The following C16orf96 variants were observed in gnomAD, a reference collection of about 807,000 sequenced individuals.
C16orf96 encodes the protein chromosome 16 open reading frame 96.
In C16orf96, 108 loss-of-function variants were observed where a neutral mutation model predicts 103.6. The ratio of observed to expected loss-of-function variants is 1.04; its 90% CI spans 0.89 to 1.22. The LOEUF is 1.22. Ranked by LOEUF, C16orf96 falls within the 50% of genes most tolerant of loss-of-function variation. C16orf96 has a pLI of 0.00. For missense variants in C16orf96, 1,586 were observed against 1,464.2 expected, an observed-to-expected ratio of 1.08 and a Z score of -1.36; for synonymous variants, 566 against 593.5, an observed-to-expected ratio of 0.95 and a Z score of 0.67.
At chr16:4,562,867 A>T in intron 1 of C16orf96, 2 of 1,389,058 alleles carry the variant, frequency 1.4e-6, no homozygotes, top group Non-Finnish European at 2.0e-6. Flanking sequence ...AGCTGGCTCC[A>T]TTGTTCTGGA....
the C16orf96 span, among the ~76,000 whole-genome samples, chr16:4,542,532 C>T: frequency 6.6e-6 from 1 of 152,216 alleles, no homozygotes; most frequent in Admixed American, 6.5e-5. Flanking sequence ...CGCAGTGGCT[C>T]ATGCCTGTAA....
At chr16:4,566,306 G>A (rs1359890297) in intron 1 of C16orf96, among the ~76,000 whole-genome samples, 1 of 152,192 alleles carries the variant, frequency 6.6e-6, no homozygotes, top group Non-Finnish European at 1.5e-5. Context: ...AGCAGTGTAT[G>A]AGAATTACGA....
chr16:4,575,732 C>T lies in C16orf96; in HGVS notation c.1252C>T (p.Pro418Ser), dbSNP rs1334811058. 1 of 1,538,776 alleles carries T rather than the reference C, an allele frequency of 6.5e-7. No homozygotes were observed. Among genetic ancestry groups the T allele is most frequent in the Non-Finnish European group, 8.8e-7 (1 of 1,141,208 alleles). Residue 418 changes from proline (P) to serine (S), a missense_variant, in exon 5 of 16, where the codon CCC becomes TCC. Coordinates refer to ENST00000444310, the MANE Select transcript of C16orf96 (RefSeq NM_001145011.2). ...WDLGVLRPTQ[P>S]QPSRAPPPAT... is the part of the protein sequence containing the mutation. ...CTTAGGTGTCCTGCGGCCAACTCAG[C>T]CCCAACCCTCCAGGGCCCCACCACC... is the stretch of plus-strand genomic sequence containing the variant.
chr16:4,549,183 CAG>C, the C16orf96 span, among the ~76,000 whole-genome samples: 1 of 151,982 alleles, frequency 6.6e-6, no homozygotes, highest in Non-Finnish European at 1.5e-5. Context: ...CACATCAAAA[CAG>C]AACACCAGGC....
Position 4,600,244 on chromosome 16 carries a change from C to G in C16orf96, c.3353C>G (p.Thr1118Ser), listed in dbSNP as rs2141774176. 1 of 1,551,546 alleles carries G rather than the reference C, an allele frequency of 6.4e-7. No individual in the cohort carries two copies. The highest frequency in any genetic ancestry group is 1.4e-5 in the African/African-American group (1 of 73,128). Residue 1118 changes from threonine (T) to serine (S), a missense_variant, in exon 16 of 16, where the codon ACC becomes AGC. Thr to Ser is a moderately conservative substitution (Grantham distance 58). Transcript: ENST00000444310. Reference sequence around the variant, plus strand: ...GACCCCCAGCAGGCCCCAGGGTCCACCAGGCTCTCAAGAGCTCCACACATT... The same window carrying G: ...GACCCCCAGCAGGCCCCAGGGTCCAGCAGGCTCTCAAGAGCTCCACACATT... ...LRDPQQAPGS[T>S]RLSRAPHIES... is the part of the protein sequence containing the mutation.
Position 4,593,022 on chromosome 16 carries a change from T to C in C16orf96, c.2775-202T>C, listed in dbSNP as rs1897094521. Among the ~76,000 whole-genome samples the C allele has an allele frequency of 6.6e-6, 1 of 152,192 alleles. No individual in the cohort carries two copies. Among genetic ancestry groups the C allele is most frequent in the Non-Finnish European group, 1.5e-5 (1 of 68,028 alleles). On this transcript the variant is annotated intron_variant, in intron 11 of 15. Coordinates refer to ENST00000444310, the MANE Select transcript of C16orf96 (RefSeq NM_001145011.2). The surrounding 1 kb of genome is among the most constrained non-coding windows in gnomAD (Gnocchi z 4.2). ...AACAATTGTTTTTTGTGTCTTACTG[T>C]GATGATCAGAGGTCCTGAGATGCCT...
the C16orf96 span, among the ~76,000 whole-genome samples, chr16:4,539,542 G>C: frequency 6.6e-6 from 1 of 152,022 alleles, no homozygotes; most frequent in African/African-American, 2.4e-5. Flanking sequence ...AAAATTAGCC[G>C]GGTATGGTGG....
Position 4,580,067 on chromosome 16 carries a change from G to A in C16orf96, c.2294G>A (p.Arg765His), listed in dbSNP as rs891319936. ...WGNQIEMMKD[R>H]YITLDKAVEN... ...AACCAAATAGAGATGATGAAGGATC[G>A]CTACATCACTTTGGACAAGGCGGTG... The change falls in exon 7 of 16, where the codon CGC (arginine) becomes CAC (histidine). Residue 765 changes from arginine (R) to histidine (H), a missense_variant. Physicochemically the swap from Arg to His is conservative, Grantham distance 29. Transcript: ENST00000444310. 8 of 1,549,804 alleles carry A rather than the reference G, an allele frequency of 5.2e-6. No individual in the cohort carries two copies. In the East Asian group the frequency reaches 1.2e-4, roughly 24 times the overall value.
upstream of C16orf96, among the ~76,000 whole-genome samples, chr16:4,554,861 C>T (rs1257922615): frequency 6.6e-6 from 1 of 151,772 alleles, no homozygotes; most frequent in Non-Finnish European, 1.5e-5. Context: ...CATCTCTTAA[C>T]CTCATGATCT....
At chr16:4,580,310 A>ACCCCCCCCCCCCC (rs150403662) in intron 7 of C16orf96, among the ~76,000 whole-genome samples, 185 bp downstream of exon 7, 15 of 104,504 alleles carry the variant, frequency 1.4e-4, no homozygotes, top group South Asian at 3.9e-4. Context: ...GAATCCCACC[A>ACCCCCCCCCCCCC]CCCCCCCCCA....
At chr16:4,598,355 A>G (rs1430914832) in intron 14 of C16orf96, among the ~76,000 whole-genome samples, 3 of 78,896 alleles carry the variant, frequency 3.8e-5, no homozygotes. Flanking sequence ...GGTCTCAAAC[A>G]AAAAAGAAAG....
chr16:4,546,161 C>CT, the C16orf96 span, among the ~76,000 whole-genome samples: 151 of 134,228 alleles, frequency 1.1e-3, no homozygotes, highest in Middle Eastern at 4.1e-3. Flanking sequence ...TTCCTTCTTT[C>CT]TTTTTTTTTT....
At chr16:4,553,775 G>A (rs1047874614), upstream of C16orf96, among the ~76,000 whole-genome samples, 2 of 152,154 alleles carry the variant, frequency 1.3e-5, no homozygotes, top group Non-Finnish European at 2.9e-5. Flanking sequence ...GCGCCTGACT[G>A]CAAGAAACGT....
chr16:4,584,434 G>A (rs1437680574), intron 7 of C16orf96, among the ~76,000 whole-genome samples: 2 of 146,396 alleles, frequency 1.4e-5, no homozygotes, highest in African/African-American at 2.5e-5. Context: ...TGTAACCTCC[G>A]CCTCCCGGGT....
At chr16:4,562,619 C>T (rs983748346) in intron 1 of C16orf96, among the ~76,000 whole-genome samples, 1 of 152,002 alleles carries the variant, frequency 6.6e-6, no homozygotes, top group African/African-American at 2.4e-5. Flanking sequence ...CAAAGCAATC[C>T]TTAATAAAGT....
At chr16:4,541,685 C>A in the C16orf96 span, among the ~76,000 whole-genome samples, 2 of 152,224 alleles carry the variant, frequency 1.3e-5, no homozygotes, top group Admixed American at 6.5e-5. Flanking sequence ...TTTAAAATGG[C>A]CCTTAGTGTT....
chr16:4,555,259 TCACACACACTACACACACA>T (rs2059251568), upstream of C16orf96, among the ~76,000 whole-genome samples: 1 of 123,336 alleles, frequency 8.1e-6, no homozygotes. Context: ...AAAGACTTTG[TCACACACACTACACACACA>T]CACACACACA....
the C16orf96 span, among the ~76,000 whole-genome samples, chr16:4,544,908 C>G: frequency 4.9e-4 from 75 of 152,208 alleles, no homozygotes; most frequent in Non-Finnish European, 8.8e-4. Context: ...CGGTATTCCT[C>G]GAAAGATTGA....
chr16:4,544,451 C>A, the C16orf96 span, among the ~76,000 whole-genome samples: 3 of 152,054 alleles, frequency 2.0e-5, no homozygotes, highest in Admixed American at 2.0e-4. Flanking sequence ...ACAAAAAATA[C>A]AAAAATATTA....
Sources: allele counts gnomAD v4.1 joint callset (sites outside exome capture counted in the v4.1 genomes callset), GRCh38; gene constraint gnomAD v4.1.1; non-coding constraint Gnocchi (gnomAD v3.1); transcripts MANE v1.5; gene names NCBI Gene and HGNC (gene_info 2026-07-23, HGNC 2026-07-21).